The following SAA2 variants were observed in gnomAD, a reference collection of about 807,000 sequenced individuals.
The protein encoded by SAA2 is serum amyloid A2, also known as serum amyloid A-2 protein.
SAA2 carries 5 observed loss-of-function variants against 9.1 expected under a neutral mutation model. The ratio of observed to expected loss-of-function variants is 0.55; its 90% CI spans 0.29 to 1.16. The LOEUF (loss-of-function observed/expected upper bound fraction) is 1.16, where lower values mean the gene tolerates loss of function less well. Among genes scored for constraint, SAA2 ranks in the 50% most tolerant of loss-of-function variants. SAA2 has a pLI of 0.09. For missense variants in SAA2, 94 were observed against 153.8 expected (o/e 0.61, Z 2.06); for synonymous variants, 49 against 59.8 (o/e 0.82, Z 0.83).
At chr11:18,240,811 A>C (rs1352720955), downstream of SAA2, among the ~76,000 whole-genome samples, 1 of 152,210 alleles carries the variant, frequency 6.6e-6, no homozygotes, top group Non-Finnish European at 1.5e-5. Flanking sequence ...TGACCTAGTC[A>C]AAGAATTTAT....
At chr11:18,240,010 G>A (rs1381819560) in intron 3 of SAA2, 4 of 1,549,100 alleles carry the variant, frequency 2.6e-6, no homozygotes, top group Non-Finnish European at 3.5e-6. Context: ...TCATATACAC[G>A]TATTTTAACA....
downstream of SAA2, chr11:18,242,881 A>T (rs76181420): frequency 0.016 from 10,911 of 691,660 alleles, 865 homozygotes; most frequent in African/African-American, 0.17. Flanking sequence ...AACTATAACA[A>T]AGAGCAATGC....
downstream of SAA2, chr11:18,240,346 T>C: frequency 1.4e-6 from 1 of 701,898 alleles, no homozygotes; most frequent in South Asian, 1.5e-5. Context: ...TTTCATGGGA[T>C]GCAGCCATAA....
chr11:18,246,872 G>A (rs1284034277), intron 2 of SAA2, among the ~76,000 whole-genome samples: 2 of 152,132 alleles, frequency 1.3e-5, no homozygotes, highest in Admixed American at 6.5e-5. Flanking sequence ...CAGTGCCCAG[G>A]CCACACCCCA....
chr11:18,240,080 T>A, intron 3 of SAA2: 2 of 1,406,644 alleles, frequency 1.4e-6, no homozygotes, highest in Non-Finnish European at 1.9e-6. Flanking sequence ...TACCGGTGAT[T>A]ATATACTATT....
chr11:18,248,230 A>G lies in SAA2; in HGVS notation c.-4-215T>C, dbSNP rs1483349733. On this transcript the variant is annotated intron_variant, in intron 1 of 3. Transcript: ENST00000256733. ...AGCCTGACTGCATAAGAGGATGCCA[A>G]TGTGGCACTGATGGAGGAAGGCAGG... is the stretch of plus-strand genomic sequence containing the variant. 7.3e-5 allele frequency among the ~76,000 whole-genome samples: 9 copies of G among 123,196 alleles called. 1 individual carries two copies. Among genetic ancestry groups the G allele is most frequent in the Admixed American group, 7.1e-4 (9 of 12,636 alleles). The allele number at this position is 123,196 out of a possible 152,430, so 80.8% of individuals were successfully genotyped here.
At chr11:18,245,600 G>A (rs1257054142) in intron 3 of SAA2, 85 bp from the exon 4 acceptor site, 1 of 1,557,804 alleles carries the variant, frequency 6.4e-7, no homozygotes, top group Non-Finnish European at 8.8e-7. Context: ...TTCCAAGGGA[G>A]GGCTCAGAGA....
At chr11:18,240,122 C>A in intron 3 of SAA2, 1 of 1,106,146 alleles carries the variant, frequency 9.0e-7, no homozygotes, top group Non-Finnish European at 1.3e-6. Context: ...GGGGAATGTA[C>A]ACAAATTTTT....
intron 2 of SAA2, among the ~76,000 whole-genome samples, chr11:18,247,186 G>C (rs1287166735): frequency 6.6e-5 from 10 of 152,238 alleles, no homozygotes; most frequent in Admixed American, 6.5e-4. Context: ...TGGTCCTTGT[G>C]GGGGCTTGAG....
At chr11:18,239,983 A>G in intron 3 of SAA2, 4 of 1,550,770 alleles carry the variant, frequency 2.6e-6, no homozygotes, top group Middle Eastern at 3.3e-4. Flanking sequence ...ACAAAGGCAG[A>G]TTAATAGGAG....
exon 4 of SAA2, chr11:18,239,240 C>T (rs945804588): frequency 1.3e-5 from 2 of 153,240 alleles, no homozygotes; most frequent in Non-Finnish European, 2.9e-5. Flanking sequence ...ACAAAATTCT[C>T]ATATGCACTT....
downstream of SAA2, among the ~76,000 whole-genome samples, chr11:18,244,757 A>G (rs980853281): frequency 3.3e-5 from 5 of 152,224 alleles, no homozygotes; most frequent in Non-Finnish European, 5.9e-5. Context: ...GAAAGAAGGC[A>G]ATGAAAATAG....
exon 4 of SAA2, chr11:18,239,553 CA>C (rs1272134337): frequency 2.0e-5 from 8 of 398,586 alleles, no homozygotes; most frequent in African/African-American, 1.6e-4. Flanking sequence ...CAACCACCTT[CA>C]CGAGATAGTC....
chr11:18,242,666 C>T (rs866969760), downstream of SAA2: 29 of 635,148 alleles, frequency 4.6e-5, no homozygotes, highest in African/African-American at 1.5e-4. Context: ...GGTGACACGG[C>T]GAAACCCCAT....
intron 1 of SAA2, 121 bp from the exon 2 acceptor site, chr11:18,248,136 T>C: frequency 1.8e-6 from 2 of 1,081,744 alleles, no homozygotes; most frequent in Non-Finnish European, 2.6e-6. Context: ...CAGTGGCTCA[T>C]CTAGGAAACC....
exon 4 of SAA2, chr11:18,239,689 C>T: frequency 2.3e-6 from 1 of 428,186 alleles, no homozygotes; most frequent in Non-Finnish European, 4.1e-6. Flanking sequence ...CCTCCTTTCC[C>T]AACAGCTGCT....
At chr11:18,241,637 A>C (rs1020514502), downstream of SAA2, among the ~76,000 whole-genome samples, 1 of 152,230 alleles carries the variant, frequency 6.6e-6, no homozygotes, top group Admixed American at 6.5e-5. Context: ...CCATTATCTT[A>C]AGTGAAATAA....
downstream of SAA2, chr11:18,242,121 A>G (rs2134135552): frequency 6.6e-6 from 1 of 152,326 alleles, no homozygotes; most frequent in East Asian, 1.9e-4. Flanking sequence ...GAGACACAGG[A>G]CAAATAATTT....
exon 4 of SAA2, chr11:18,239,581 T>C (rs779534641): frequency 2.5e-6 from 1 of 402,662 alleles, no homozygotes; most frequent in African/African-American, 2.1e-5. Context: ...TCCATGTTGC[T>C]TAAGCCAAAG....
Sources: allele counts gnomAD v4.1 joint callset (sites outside exome capture counted in the v4.1 genomes callset), GRCh38; gene constraint gnomAD v4.1.1; transcripts MANE v1.5; gene names NCBI Gene and HGNC (gene_info 2026-07-23, HGNC 2026-07-21).